The following TP63 variants were observed in gnomAD, a reference collection of about 807,000 sequenced individuals.
TP63 encodes tumor protein 63.
TP63 carries 17 observed loss-of-function variants against 82.8 expected under a neutral mutation model. The ratio of observed to expected loss-of-function variants is 0.21; its 90% CI spans 0.14 to 0.31. TP63 has a LOEUF of 0.31. Among genes scored for constraint, TP63 ranks in the 10% least tolerant of loss-of-function variants. The pLI is 1.00. For synonymous variants in TP63, 330 were observed against 321.7 expected (o/e 1.03, Z -0.28); for missense variants, 648 against 895.3 (o/e 0.72, Z 3.52).
intron 2 of TP63, 26 bp downstream of exon 2, chr3:189,737,894 T>C: frequency 1.9e-6 from 3 of 1,613,464 alleles, no homozygotes; most frequent in Non-Finnish European, 2.5e-6. Context: ...GCAAGAAATG[T>C]TTTGCTTGAG....
At chr3:189,806,875 C>A (rs1376511394) in intron 3 of TP63, among the ~76,000 whole-genome samples, 5 of 151,716 alleles carry the variant, frequency 3.3e-5, no homozygotes, top group Non-Finnish European at 7.4e-5. Context: ...TTCTCCTCCC[C>A]CTGTGGAAAA....
intron 1 of TP63, among the ~76,000 whole-genome samples, chr3:189,704,594 G>A (rs561489437): frequency 1.3e-5 from 2 of 152,256 alleles, no homozygotes; most frequent in Admixed American, 6.5e-5. Context: ...TGTCTGTCTC[G>A]TGACTAGGCT....
At chr3:189,779,708 T>C (rs1724080764) in intron 3 of TP63, among the ~76,000 whole-genome samples, 1 of 152,194 alleles carries the variant, frequency 6.6e-6, no homozygotes, top group African/African-American at 2.4e-5. Context: ...GCCTTAAGTA[T>C]AGTTTATTGT....
intron 3 of TP63, chr3:189,789,588 C>A: frequency 8.6e-7 from 1 of 1,161,090 alleles, no homozygotes; most frequent in Non-Finnish European, 1.1e-6. Context: ...ATGGATTGGA[C>A]AGGTAAAGAG....
At chr3:189,676,908 G>C (rs1715447347) in intron 1 of TP63, among the ~76,000 whole-genome samples, 1 of 152,058 alleles carries the variant, frequency 6.6e-6, no homozygotes, top group Non-Finnish European at 1.5e-5. Flanking sequence ...ACTGGTCCCT[G>C]GTGCCAAAAA....
chr3:189,674,882 G>T (rs1044720586), intron 1 of TP63, among the ~76,000 whole-genome samples: 1 of 152,118 alleles, frequency 6.6e-6, no homozygotes, highest in Non-Finnish European at 1.5e-5. Flanking sequence ...AGCACATCAA[G>T]TGTAAAAACG....
At chr3:189,708,826 A>G (rs890542297) in intron 1 of TP63, among the ~76,000 whole-genome samples, 1 of 152,240 alleles carries the variant, frequency 6.6e-6, no homozygotes, top group Admixed American at 6.5e-5. Flanking sequence ...TACTTAAAAT[A>G]GGATTACTCC....
intron 1 of TP63, 106 bp downstream of exon 1, chr3:189,631,683 GCA>G (rs1252787709): frequency 1.9e-6 from 3 of 1,597,630 alleles, no homozygotes; most frequent in Non-Finnish European, 2.6e-6. Context: ...TGTTTAGTCA[GCA>G]CAGTGATATT....
chr3:189,849,873 CTTCT>C (rs2108762940), intron 4 of TP63, among the ~76,000 whole-genome samples: 1 of 152,268 alleles, frequency 6.6e-6, no homozygotes, highest in East Asian at 1.9e-4. Flanking sequence ...TATAATGTTC[CTTCT>C]GAGTTCTAAC....
chr3:189,617,348 T>C, the TP63 span, among the ~76,000 whole-genome samples: 3 of 152,206 alleles, frequency 2.0e-5, no homozygotes, highest in Non-Finnish European at 4.4e-5. Flanking sequence ...ATGGGTATTT[T>C]TGTATATCCC....
chr3:189,765,675 C>T (rs1485206593), intron 3 of TP63, among the ~76,000 whole-genome samples: 15 of 151,586 alleles, frequency 9.9e-5, no homozygotes, highest in Middle Eastern at 3.4e-3. Context: ...CCTCATGATC[C>T]GCCCACCTCG....
chr3:189,626,858 G>GT (rs557954977), upstream of TP63, among the ~76,000 whole-genome samples: 11 of 151,752 alleles, frequency 7.2e-5, no homozygotes, highest in East Asian at 1.9e-4. Context: ...GAGATGTGTG[G>GT]TTTTTTTTCC....
intron 4 of TP63, among the ~76,000 whole-genome samples, chr3:189,824,447 G>T (rs1729125513): frequency 6.6e-6 from 1 of 152,026 alleles, no homozygotes; most frequent in Admixed American, 6.6e-5. Flanking sequence ...TGGCCAGGCT[G>T]GTCTTGAACT....
intron 3 of TP63, among the ~76,000 whole-genome samples, chr3:189,800,537 T>C (rs1489586281): frequency 1.3e-5 from 2 of 151,758 alleles, no homozygotes; most frequent in African/African-American, 2.4e-5. Flanking sequence ...ATTGTAACTT[T>C]CAGATAAAAA....
At chr3:189,824,706 C>T (rs535022535) in intron 4 of TP63, among the ~76,000 whole-genome samples, 3 of 152,192 alleles carry the variant, frequency 2.0e-5, no homozygotes, top group East Asian at 3.9e-4. Context: ...TTACTCAGGA[C>T]GATTTTCCTC....
intron 4 of TP63, among the ~76,000 whole-genome samples, chr3:189,828,592 C>G (rs1402781784): frequency 2.0e-5 from 3 of 152,132 alleles, no homozygotes; most frequent in African/African-American, 7.2e-5. Context: ...ATTGGTCAGA[C>G]AAAAGAACAT....
the TP63 span, among the ~76,000 whole-genome samples, chr3:189,604,955 A>C: frequency 6.6e-6 from 1 of 152,194 alleles, no homozygotes; most frequent in Non-Finnish European, 1.5e-5. Flanking sequence ...TCAAACTGAC[A>C]TCTCAACATC....
At chr3:189,742,541 T>C (rs1346360499) in intron 3 of TP63, among the ~76,000 whole-genome samples, 1 of 152,218 alleles carries the variant, frequency 6.6e-6, no homozygotes, top group Non-Finnish European at 1.5e-5. Flanking sequence ...CCCAGATATA[T>C]GTGAAGAGGC....
chr3:189,698,416 C>T (rs1414366058), intron 1 of TP63, among the ~76,000 whole-genome samples: 1 of 152,036 alleles, frequency 6.6e-6, no homozygotes, highest in African/African-American at 2.4e-5. Flanking sequence ...TCAGTTTCTT[C>T]CATCTCAATT....
Sources: gnomAD v4.1 joint callset for allele counts (sites outside exome capture counted in the v4.1 genomes callset) on GRCh38, gnomAD v4.1.1 for gene constraint, MANE v1.5 for transcripts, NCBI Gene and HGNC (gene_info 2026-07-23, HGNC 2026-07-21) for gene names.